Variants in RUNX2 observed in about 807,000 individuals in gnomAD.
RUNX2 encodes RUNX family transcription factor 2.
RUNX2 carries 10 observed loss-of-function variants against 51.7 expected under a neutral mutation model. That is an observed-to-expected ratio of 0.19 (90% CI 0.12 to 0.33). The LOEUF is 0.33. RUNX2 is among the 10% of genes least tolerant of loss of function. The pLI is 1.00. For synonymous variants in RUNX2, 276 were observed against 273.6 expected (o/e 1.01, Z -0.09); for missense variants, 562 against 691.3 (o/e 0.81, Z 2.10).
chr6:45,452,228 A>C (rs183581837), intron 5 of RUNX2, among the ~76,000 whole-genome samples: 1 of 152,384 alleles, frequency 6.6e-6, no homozygotes, highest in Admixed American at 6.5e-5. Context: ...CAAAGTTCGT[A>C]TAACCTGGAG....
chr6:45,446,119 T>G (rs1350779690), intron 5 of RUNX2, among the ~76,000 whole-genome samples: 1 of 152,222 alleles, frequency 6.6e-6, no homozygotes, highest in Non-Finnish European at 1.5e-5. Flanking sequence ...CAAGGAGCTA[T>G]GGCATTAACA....
chr6:45,460,563 T>C (rs919609744), intron 5 of RUNX2, among the ~76,000 whole-genome samples: 1 of 152,170 alleles, frequency 6.6e-6, no homozygotes, highest in African/African-American at 2.4e-5. Context: ...GAAGGGGATA[T>C]GGCATAATGG....
In RUNX2 at chr6:45,486,157, T is replaced by C. The variant is rs577853865; in HGVS notation, c.686-5784T>C. Among the ~76,000 whole-genome samples, 3 of 152,276 alleles carry C rather than the reference T, an allele frequency of 2.0e-5. No individual in the cohort carries two copies. In the East Asian group the frequency reaches 5.8e-4, roughly 29 times the overall value. ...CTACATAATCACAGAAAGTACCACT[T>C]CCTTAATATTTAAAAACAGTTCATA... On this transcript the variant is annotated intron_variant, in intron 5 of 8. Coordinates refer to ENST00000647337, the MANE Select transcript of RUNX2 (RefSeq NM_001024630.4).
At chr6:45,367,693 T>A (rs749227098) in intron 2 of RUNX2, among the ~76,000 whole-genome samples, 13 of 152,204 alleles carry the variant, frequency 8.5e-5, no homozygotes, top group Non-Finnish European at 1.6e-4. Context: ...TGAGTTGACT[T>A]GTCTGATTTG....
intron 6 of RUNX2, among the ~76,000 whole-genome samples, chr6:45,499,114 A>C (rs115930365): frequency 6.6e-6 from 1 of 152,226 alleles, no homozygotes; most frequent in African/African-American, 2.4e-5. Flanking sequence ...GGTCCTGCTC[A>C]CTTGTAGGCA....
chr6:45,356,022 G>A (rs893385150), intron 2 of RUNX2, among the ~76,000 whole-genome samples: 9 of 152,064 alleles, frequency 5.9e-5, no homozygotes, highest in South Asian at 2.1e-4. Context: ...TGGTTGTAAC[G>A]TAGTTGTTTT....
chr6:45,497,090 G>C (rs1259632908), intron 6 of RUNX2, among the ~76,000 whole-genome samples: 1 of 152,116 alleles, frequency 6.6e-6, no homozygotes, highest in Non-Finnish European at 1.5e-5. Context: ...TACTAAGAAA[G>C]AAGAGACTCG....
intron 2 of RUNX2, among the ~76,000 whole-genome samples, chr6:45,405,626 T>C (rs1415410772): frequency 1.3e-5 from 2 of 152,132 alleles, no homozygotes. Flanking sequence ...CCGTCTCTAC[T>C]GAAAATACAA....
chr6:45,430,732 A>C (rs1430256619), intron 3 of RUNX2, among the ~76,000 whole-genome samples: 1 of 152,200 alleles, frequency 6.6e-6, no homozygotes, highest in African/African-American at 2.4e-5. Context: ...ACAGGCAAGC[A>C]CACAGGGGTA....
chr6:45,394,092 T>C (rs1179617170), intron 2 of RUNX2, among the ~76,000 whole-genome samples: 1 of 152,024 alleles, frequency 6.6e-6, no homozygotes, highest in Non-Finnish European at 1.5e-5. Flanking sequence ...TTTGTATTTT[T>C]AGTAGAGACG....
chr6:45,381,546 G>T (rs570238962), intron 2 of RUNX2, among the ~76,000 whole-genome samples: 5 of 151,942 alleles, frequency 3.3e-5, no homozygotes, highest in Non-Finnish European at 5.9e-5. Flanking sequence ...TTCCACCTCA[G>T]CCTCCTCAGT....
At position 45,549,392 on chromosome 6, in the gene RUNX2, C is replaced by G. The variant is rs1217409649; in HGVS notation, c.*2087C>G. On this transcript the variant is annotated 3_prime_UTR_variant, in exon 9 of 9. Transcript: ENST00000647337. ...GGACCTGTGCTTCCTGCCTGGGAGTCTCCCTTGGAATTCATCCTGACTCCT... is the reference window on the plus strand; with the variant it reads ...GGACCTGTGCTTCCTGCCTGGGAGTGTCCCTTGGAATTCATCCTGACTCCT... The G allele has an allele frequency of 5.0e-6, 2 of 398,412 alleles. No individual in the cohort carries two copies. The highest frequency in any genetic ancestry group is 3.6e-5 in the East Asian group (1 of 28,076). The allele number at this position is 398,412 out of a possible 1,614,324, so 24.7% of individuals were successfully genotyped here. A position where few individuals can be genotyped will look rare whatever the true frequency, so the allele number is the denominator to read the frequency against.
intron 5 of RUNX2, among the ~76,000 whole-genome samples, chr6:45,441,103 T>A (rs779362338): frequency 3.3e-5 from 5 of 152,198 alleles, no homozygotes; most frequent in Non-Finnish European, 5.9e-5. Context: ...TGCAATTGTT[T>A]AGCCTCCTCT....
intron 2 of RUNX2, among the ~76,000 whole-genome samples, chr6:45,358,748 C>A (rs116715972): frequency 1.3e-5 from 2 of 152,086 alleles, no homozygotes; most frequent in African/African-American, 4.8e-5. Context: ...TAATACTGTA[C>A]ATAAATCACA....
intron 2 of RUNX2, among the ~76,000 whole-genome samples, chr6:45,394,819 A>G (rs1797548309): frequency 6.6e-6 from 1 of 152,182 alleles, no homozygotes. Context: ...GCGTTGGTTA[A>G]GCAGAACAAA....
At chr6:45,403,861 G>A (rs978617601) in intron 2 of RUNX2, among the ~76,000 whole-genome samples, 1 of 152,166 alleles carries the variant, frequency 6.6e-6, no homozygotes, top group African/African-American at 2.4e-5. Flanking sequence ...GAAAAACAAA[G>A]CAGGGGAAGA....
intron 2 of RUNX2, among the ~76,000 whole-genome samples, chr6:45,361,954 A>G (rs1581907349): frequency 6.6e-6 from 1 of 152,114 alleles, no homozygotes; most frequent in Non-Finnish European, 1.5e-5. Context: ...GGGAGGCTGA[A>G]GCAGGAAAAT....
At chr6:45,489,202 T>C (rs1457848961) in intron 5 of RUNX2, among the ~76,000 whole-genome samples, 1 of 152,202 alleles carries the variant, frequency 6.6e-6, no homozygotes, top group Non-Finnish European at 1.5e-5. Context: ...TGCAGATAAA[T>C]GTTTCCTGAA....
chr6:45,439,000 A>G (rs1399797809), intron 5 of RUNX2, among the ~76,000 whole-genome samples: 1 of 152,154 alleles, frequency 6.6e-6, no homozygotes, highest in Non-Finnish European at 1.5e-5. Context: ...TTGTTCTATA[A>G]CAATCAACCT....
Sources: allele counts gnomAD v4.1 joint callset (sites outside exome capture counted in the v4.1 genomes callset), GRCh38; gene constraint gnomAD v4.1.1; transcripts MANE v1.5; gene names NCBI Gene and HGNC (gene_info 2026-07-23, HGNC 2026-07-21).